Variants in PDE4D observed in about 807,000 individuals in gnomAD.
PDE4D encodes 3',5'-cyclic-AMP phosphodiesterase 4D.
In PDE4D, 24 loss-of-function variants were observed where a neutral mutation model predicts 87.4. That is an observed-to-expected ratio of 0.27 (90% CI 0.20 to 0.39). The LOEUF (loss-of-function observed/expected upper bound fraction) is 0.39. Ranked by LOEUF, PDE4D falls within the 10% of genes least tolerant of loss-of-function variation. PDE4D has a pLI of 1.00. For missense variants in PDE4D, 714 were observed against 1,041.0 expected, an observed-to-expected ratio of 0.69 and a Z score of 4.32; for synonymous variants, 384 against 383.2, an observed-to-expected ratio of 1.00 and a Z score of -0.02.
chr5:59,543,105 A>G (rs1263898849), intron 1 of PDE4D, among the ~76,000 whole-genome samples: 2 of 152,178 alleles, frequency 1.3e-5, no homozygotes, highest in Non-Finnish European at 2.9e-5. Context: ...TTCTTCAATT[A>G]ATAGCCAGCT....
At chr5:59,385,953 TTCTC>T (rs1786890278) in intron 1 of PDE4D, among the ~76,000 whole-genome samples, 1 of 152,130 alleles carries the variant, frequency 6.6e-6, no homozygotes, top group Non-Finnish European at 1.5e-5. Context: ...GTGCTACATC[TTCTC>T]TCTCAGAGTC....
chr5:58,979,383 AGTG>A (rs1265241036), intron 11 of PDE4D, among the ~76,000 whole-genome samples: 1 of 152,184 alleles, frequency 6.6e-6, no homozygotes, highest in Non-Finnish European at 1.5e-5. Context: ...GTTACAGGAA[AGTG>A]GTGGTGACTG....
At chr5:60,071,357 C>T (rs762921429) in intron 2 of PDE4D, among the ~76,000 whole-genome samples, 1 of 151,824 alleles carries the variant, frequency 6.6e-6, no homozygotes, top group Non-Finnish European at 1.5e-5. Flanking sequence ...GTGCACACAG[C>T]CATCTAAAAG....
intron 1 of PDE4D, among the ~76,000 whole-genome samples, chr5:59,639,812 AGTGTGTGTGTGT>A (rs70975323): frequency 0.36 from 51,041 of 143,568 alleles, 9,972 homozygotes; most frequent in East Asian, 0.71. Context: ...TAGTGTCTAT[AGTGTGTGTGTGT>A]GTGTGTGTGT....
At chr5:59,531,633 G>A (rs78355636) in intron 1 of PDE4D, among the ~76,000 whole-genome samples, 10,444 of 152,148 alleles carry the variant, frequency 0.069, 489 homozygotes, top group Admixed American at 0.13. Flanking sequence ...CTTTCTAGCT[G>A]TCCACATTCC....
In PDE4D at chr5:59,471,111, G is replaced by A. The variant is rs971608312; in HGVS notation, c.456-255143C>T. On this transcript the variant is annotated intron_variant, in intron 1 of 14. Coordinates refer to ENST00000340635, the MANE Select transcript of PDE4D (RefSeq NM_001104631.2). ...TAAAAAATACATAGCCAGGAATGGT[G>A]GCATGCATCTGTGGTCATAGCTACT... Among the ~76,000 whole-genome samples, 3 of 152,192 alleles carry A rather than the reference G, an allele frequency of 2.0e-5. No homozygotes were observed. In the East Asian group the frequency reaches 5.8e-4, roughly 29 times the overall value.
chr5:59,239,061 C>G (rs77678610), intron 1 of PDE4D, among the ~76,000 whole-genome samples: 8,972 of 152,246 alleles, frequency 0.059, 305 homozygotes, highest in Middle Eastern at 0.14. Flanking sequence ...AGAGGGATGA[C>G]AGAAGAAGGG....
intron 2 of PDE4D, chr5:60,127,722 A>G (rs1779234945): frequency 5.3e-6 from 3 of 568,896 alleles, no homozygotes; most frequent in Admixed American, 3.1e-5. Context: ...GATATTTTGG[A>G]TCTAAAATGC....
At position 59,362,574 on chromosome 5, in the gene PDE4D, A is replaced by T. The variant is rs115329551; in HGVS notation, c.456-146606T>A. ...TGATAGAATTTCTCGATTGCTCAAA[A>T]CCCTAAGCTTCTCCTAAATATAGAA... On this transcript the variant is annotated intron_variant, in intron 1 of 14. Transcript: ENST00000340635. Among the ~76,000 whole-genome samples, 500 of 152,234 alleles carry T rather than the reference A, an allele frequency of 3.3e-3. 4 individuals carry two copies. The highest frequency in any genetic ancestry group is 0.012 in the African/African-American group (478 of 41,558).
upstream of PDE4D, chr5:60,488,289 A>T (rs1749313784): frequency 1.3e-5 from 2 of 152,110 alleles, no homozygotes; most frequent in South Asian, 4.1e-4. Flanking sequence ...GGGGAAAAGG[A>T]CAGGTGATCT....
At position 59,493,270 on chromosome 5, in the gene PDE4D, T is replaced by C. The variant is rs545788045; in HGVS notation, c.456-277302A>G. 9.2e-5 allele frequency among the ~76,000 whole-genome samples: 14 copies of C among 152,146 alleles called. No homozygotes were observed. In the South Asian group the frequency reaches 2.1e-3, roughly 23 times the overall value. ...AGGTGGCCAAAATCCTTTGTTAAGA[T>C]TCAAAAATCCGTGTACTAAAGCAGT... On this transcript the variant is annotated intron_variant, in intron 1 of 14. Transcript: ENST00000340635.
chr5:58,983,311 T>C (rs1294043693), intron 11 of PDE4D, among the ~76,000 whole-genome samples: 2 of 152,234 alleles, frequency 1.3e-5, no homozygotes, highest in African/African-American at 4.8e-5. Flanking sequence ...GGCAGTGTAA[T>C]TAATAGGAGT....
At chr5:60,370,021 A>G (rs747010522) in intron 1 of PDE4D, among the ~76,000 whole-genome samples, 30 of 152,112 alleles carry the variant, frequency 2.0e-4, no homozygotes, top group Non-Finnish European at 3.8e-4. Context: ...TTTTTTTTCA[A>G]TTAGTGCCTC....
intron 1 of PDE4D, among the ~76,000 whole-genome samples, chr5:59,771,440 AG>A (rs1206781366): frequency 2.0e-4 from 17 of 87,016 alleles, no homozygotes; most frequent in Admixed American, 1.6e-3. Flanking sequence ...AGAAAAAGAA[AG>A]AAAGAAAGAA....
At chr5:60,231,181 T>C (rs1030929572) in intron 1 of PDE4D, among the ~76,000 whole-genome samples, 8 of 152,028 alleles carry the variant, frequency 5.3e-5, no homozygotes, top group African/African-American at 1.7e-4. Flanking sequence ...ATGATCTTCC[T>C]TGGTGAATCC....
At chr5:59,010,491 G>T (rs936249655) in intron 6 of PDE4D, among the ~76,000 whole-genome samples, 1 of 151,804 alleles carries the variant, frequency 6.6e-6, no homozygotes, top group African/African-American at 2.4e-5. Flanking sequence ...AAGGGGACAG[G>T]TGCAGTTTGT....
chr5:60,279,846 A>G (rs1176540156), intron 1 of PDE4D, among the ~76,000 whole-genome samples: 1 of 151,720 alleles, frequency 6.6e-6, no homozygotes. Flanking sequence ...ATGCCTGGCT[A>G]ATTTTTTGTG....
chr5:59,304,747 C>T (rs753956369), intron 1 of PDE4D, among the ~76,000 whole-genome samples: 10 of 152,060 alleles, frequency 6.6e-5, no homozygotes, highest in Non-Finnish European at 1.5e-4. Flanking sequence ...GTATGAAACC[C>T]ACTTGATCAT....
intron 5 of PDE4D, among the ~76,000 whole-genome samples, chr5:59,176,029 G>C (rs565485255): frequency 6.6e-6 from 1 of 152,072 alleles, no homozygotes; most frequent in Non-Finnish European, 1.5e-5. Flanking sequence ...AAGCAAAAAG[G>C]AGAGACTGGG....
Sources: allele counts gnomAD v4.1 joint callset (sites outside exome capture counted in the v4.1 genomes callset), GRCh38; gene constraint gnomAD v4.1.1; transcripts MANE v1.5; gene names NCBI Gene and HGNC (gene_info 2026-07-23, HGNC 2026-07-21).